Variants in LRRTM3 observed in about 807,000 individuals in gnomAD.
LRRTM3 encodes leucine rich repeat transmembrane neuronal 3, also known as leucine-rich repeat transmembrane neuronal protein 3.
LRRTM3 carries 24 observed loss-of-function variants against 44.7 expected under a neutral mutation model. The observed-to-expected ratio is 0.54, with a 90% CI of 0.39 to 0.76. The LOEUF is 0.76. Among genes scored for constraint, LRRTM3 ranks in the 30% least tolerant of loss-of-function variants. The pLI is 0.00. For missense variants in LRRTM3, 587 were observed against 702.2 expected (o/e 0.84, Z 1.85); for synonymous variants, 277 against 278.7 (o/e 0.99, Z 0.06).
intron 2 of LRRTM3, among the ~76,000 whole-genome samples, chr10:67,057,249 T>C (rs1183009174): frequency 2.0e-5 from 3 of 151,942 alleles, no homozygotes; most frequent in Non-Finnish European, 4.4e-5. Context: ...TCAATTAATA[T>C]ATCTATTATG....
intron 2 of LRRTM3, among the ~76,000 whole-genome samples, chr10:66,930,016 A>G (rs897135965): frequency 1.3e-5 from 2 of 152,018 alleles, no homozygotes; most frequent in Non-Finnish European, 2.9e-5. Context: ...AAACAGAATC[A>G]CTGCAGCAAC....
At chr10:67,005,692 T>TTTTTTTTGTTTTG (rs1564826069) in intron 2 of LRRTM3, among the ~76,000 whole-genome samples, 1 of 123,170 alleles carries the variant, frequency 8.1e-6, no homozygotes, top group African/African-American at 2.8e-5. Flanking sequence ...CTTTTTTTTT[T>TTTTTTTTGTTTTG]TTTTTTTTTT....
intron 2 of LRRTM3, among the ~76,000 whole-genome samples, chr10:67,005,682 CTTTTTTTTT>C (rs11369576): frequency 1.6e-5 from 1 of 61,976 alleles, no homozygotes; most frequent in Non-Finnish European, 2.9e-5. Flanking sequence ...TTTACTCCAT[CTTTTTTTTT>C]TTTTTTTTTT....
chr10:66,972,973 T>C (rs971970887), intron 2 of LRRTM3, among the ~76,000 whole-genome samples: 2 of 152,146 alleles, frequency 1.3e-5, no homozygotes, highest in African/African-American at 4.8e-5. Flanking sequence ...AGAAATAACA[T>C]TTCAGAAATG....
At chr10:67,001,613 T>C (rs940632022) in intron 2 of LRRTM3, among the ~76,000 whole-genome samples, 4 of 152,064 alleles carry the variant, frequency 2.6e-5, no homozygotes, top group African/African-American at 9.7e-5. Flanking sequence ...ATAAATTTAG[T>C]CTTTAATACT....
intron 2 of LRRTM3, among the ~76,000 whole-genome samples, chr10:66,986,892 G>C (rs137897864): frequency 0.01 from 1,593 of 152,228 alleles, 32 homozygotes; most frequent in African/African-American, 0.036. Flanking sequence ...ATACAGAAGT[G>C]CACCAAATAG....
In LRRTM3 at chr10:66,955,542, T is replaced by A. The variant is rs750426678; in HGVS notation, c.1536+27090T>A. Among the ~76,000 whole-genome samples, 12 of 152,274 alleles carry A rather than the reference T, an allele frequency of 7.9e-5. No individual in the cohort carries two copies. The Middle Eastern group carries it at 0.01, about 129-fold the overall frequency. On this transcript the variant is annotated intron_variant, in intron 2 of 2. Coordinates refer to ENST00000361320, the MANE Select transcript of LRRTM3 (RefSeq NM_178011.5). ...TATCTGTTTGGCTCCAAAGCCTACATTAATTCCAGTTTTCCTCATTGCCTC... is the reference window on the plus strand; with the variant it reads ...TATCTGTTTGGCTCCAAAGCCTACAATAATTCCAGTTTTCCTCATTGCCTC...
chr10:67,063,902 T>C (rs996078456), intron 2 of LRRTM3, among the ~76,000 whole-genome samples: 1 of 152,176 alleles, frequency 6.6e-6, no homozygotes, highest in African/African-American at 2.4e-5. Flanking sequence ...AGAAGGAAAC[T>C]GATTTGATAT....
chr10:67,032,023 T>C (rs1853756513), intron 2 of LRRTM3, among the ~76,000 whole-genome samples: 1 of 152,196 alleles, frequency 6.6e-6, no homozygotes, highest in Non-Finnish European at 1.5e-5. Flanking sequence ...TTTATGGCCA[T>C]GCATAATTTG....
intron 2 of LRRTM3, among the ~76,000 whole-genome samples, chr10:66,950,651 A>G (rs1848492395): frequency 6.6e-6 from 1 of 152,184 alleles, no homozygotes; most frequent in Non-Finnish European, 1.5e-5. Flanking sequence ...CAGCAAAAGA[A>G]CCATTAGAAA....
intron 2 of LRRTM3, among the ~76,000 whole-genome samples, chr10:66,964,033 G>T (rs1278736756): frequency 2.0e-5 from 3 of 151,436 alleles, no homozygotes; most frequent in East Asian, 1.9e-4. Context: ...TTTTTTTTCA[G>T]TAGTGATGGG....
At chr10:67,069,309 C>A (rs981200318) in intron 2 of LRRTM3, among the ~76,000 whole-genome samples, 3 of 152,004 alleles carry the variant, frequency 2.0e-5, no homozygotes, top group South Asian at 4.2e-4. Context: ...TTCTTTTACC[C>A]CAATGCAGAA....
At chr10:66,973,836 C>G (rs552711213) in intron 2 of LRRTM3, among the ~76,000 whole-genome samples, 1 of 152,112 alleles carries the variant, frequency 6.6e-6, no homozygotes, top group Non-Finnish European at 1.5e-5. Flanking sequence ...GTTGGCCAGG[C>G]TGGTCTTGAA....
intron 2 of LRRTM3, among the ~76,000 whole-genome samples, chr10:66,948,365 A>C (rs1261838031): frequency 6.6e-6 from 1 of 152,200 alleles, no homozygotes; most frequent in East Asian, 1.9e-4. Flanking sequence ...GAATGGGGAG[A>C]ATGTCTAGGA....
rs552549825 is a variant in LRRTM3, at chr10:66,992,483, G to T, written c.1536+64031G>T. On this transcript the variant is annotated intron_variant, in intron 2 of 2. Transcript: ENST00000361320. ...TATCTGAATAAAAAATTCTTTGTCAGTTCTAGTTTTATGCATTACAAATAT... is the reference window on the plus strand; with the variant it reads ...TATCTGAATAAAAAATTCTTTGTCATTTCTAGTTTTATGCATTACAAATAT... Among the ~76,000 whole-genome samples the T allele has an allele frequency of 4.7e-5, 7 of 149,060 alleles. No homozygotes were observed. In the South Asian group the frequency reaches 1.1e-3, roughly 23 times the overall value.
intron 2 of LRRTM3, among the ~76,000 whole-genome samples, chr10:66,991,930 T>C (rs1277421425): frequency 1.3e-5 from 2 of 152,180 alleles, no homozygotes; most frequent in African/African-American, 4.8e-5. Flanking sequence ...CTGTTGGCCA[T>C]TAACCTTCAT....
chr10:67,023,374 A>G (rs550997497), intron 2 of LRRTM3, among the ~76,000 whole-genome samples: 82 of 152,280 alleles, frequency 5.4e-4, no homozygotes, highest in African/African-American at 1.9e-3. Flanking sequence ...TCCTGAAGTC[A>G]AGAACTTCAG....
chr10:67,001,959 T>C (rs752855292), intron 2 of LRRTM3, among the ~76,000 whole-genome samples: 14 of 152,158 alleles, frequency 9.2e-5, no homozygotes, highest in Non-Finnish European at 1.8e-4. Context: ...GAAATAGACA[T>C]TGAGGAAGCA....
At chr10:66,986,263 C>T (rs988065483) in intron 2 of LRRTM3, among the ~76,000 whole-genome samples, 5 of 151,882 alleles carry the variant, frequency 3.3e-5, no homozygotes, top group Non-Finnish European at 7.4e-5. Flanking sequence ...TTTGAGAGGC[C>T]GAGGCAGGCA....
Sources: allele counts gnomAD v4.1 joint callset (sites outside exome capture counted in the v4.1 genomes callset), GRCh38; gene constraint gnomAD v4.1.1; transcripts MANE v1.5; gene names NCBI Gene and HGNC (gene_info 2026-07-23, HGNC 2026-07-21).